Variants in WWP1 observed in about 807,000 individuals in gnomAD.
WWP1 encodes the protein WW domain containing E3 ubiquitin protein ligase 1.
WWP1 carries 49 observed loss-of-function variants against 130.6 expected under a neutral mutation model. That is an observed-to-expected ratio of 0.38 (90% CI 0.30 to 0.48). WWP1 has a LOEUF of 0.48. Among genes scored for constraint, WWP1 ranks in the 20% least tolerant of loss-of-function variants. The probability of loss-of-function intolerance (pLI) is 0.99; values close to 1 mark genes in which losing one functional copy is unlikely to be tolerated. For synonymous variants in WWP1, 332 were observed against 367.8 expected, an observed-to-expected ratio of 0.90 and a Z score of 1.11; for missense variants, 809 against 1,100.6, an observed-to-expected ratio of 0.74 and a Z score of 3.75.
chr8:86,366,057 GTAAAGTAT>G (rs1823947901), intron 1 of WWP1, among the ~76,000 whole-genome samples: 1 of 152,248 alleles, frequency 6.6e-6, no homozygotes, highest in Non-Finnish European at 1.5e-5. Flanking sequence ...CTTCGCAAAT[GTAAAGTAT>G]TAATGACATT....
chr8:86,418,120 TAGTC>T (rs923997047), intron 9 of WWP1, among the ~76,000 whole-genome samples: 38 of 152,264 alleles, frequency 2.5e-4, no homozygotes, highest in African/African-American at 7.9e-4. Flanking sequence ...AAAAAAAACT[TAGTC>T]ATATTTCCAC....
At position 86,431,428 on chromosome 8, in the gene WWP1, C is replaced by T; in HGVS notation, c.1410C>T (p.Asp470=). The T allele has an allele frequency of 6.2e-7, 1 of 1,603,300 alleles. No homozygotes were observed. The highest frequency in any genetic ancestry group is 8.5e-7 in the Non-Finnish European group (1 of 1,174,386). Residue 470 remains aspartate (D), a synonymous_variant, in exon 13 of 25, where the codon GAC becomes GAT. Coordinates refer to ENST00000517970, the MANE Select transcript of WWP1 (RefSeq NM_007013.4). The part of the protein sequence containing the change: ...PGWEKRVDST[D]RVYFVNHNTK... ...CAGAAAAAAGAGTGGATTCAACAGA[C>T]AGGGTTTACTTTGTGAATCATAACA... is the stretch of plus-strand genomic sequence containing the variant.
At chr8:86,350,455 A>G (rs1363305496) in intron 1 of WWP1, among the ~76,000 whole-genome samples, 1 of 152,194 alleles carries the variant, frequency 6.6e-6, no homozygotes, top group African/African-American at 2.4e-5. Flanking sequence ...CATGTACACT[A>G]AAAAACGGGC....
At chr8:86,365,879 A>G (rs1357256236) in intron 1 of WWP1, among the ~76,000 whole-genome samples, 2 of 152,206 alleles carry the variant, frequency 1.3e-5, no homozygotes, top group Non-Finnish European at 2.9e-5. Flanking sequence ...CACCAAGTTT[A>G]TTTGAAGGGA....
intron 1 of WWP1, among the ~76,000 whole-genome samples, chr8:86,365,642 G>A (rs1015947906): frequency 7.9e-5 from 12 of 152,264 alleles, no homozygotes; most frequent in Admixed American, 7.2e-4. Context: ...CAGTGATATA[G>A]GGAGAGGTCA....
intron 20 of WWP1, among the ~76,000 whole-genome samples, chr8:86,451,171 A>G (rs1358356163): frequency 1.4e-5 from 2 of 144,422 alleles, no homozygotes; most frequent in Non-Finnish European, 3.0e-5. Flanking sequence ...CAGGGAGGTC[A>G]AGGCTGCAGT....
chr8:86,442,555 T>G, intron 17 of WWP1, 64 bp from the exon 18 acceptor site: 1 of 1,419,866 alleles, frequency 7.0e-7, no homozygotes, highest in Non-Finnish European at 9.5e-7. Flanking sequence ...ATGAATATAT[T>G]TAAGATCTGT....
intron 18 of WWP1, among the ~76,000 whole-genome samples, chr8:86,446,878 A>T (rs942482254): frequency 1.3e-5 from 2 of 152,228 alleles, no homozygotes; most frequent in African/African-American, 4.8e-5. Flanking sequence ...ATCTATAATA[A>T]GATTATATGG....
At chr8:86,460,355 C>G (rs1586514830) in intron 22 of WWP1, among the ~76,000 whole-genome samples, 1 of 152,144 alleles carries the variant, frequency 6.6e-6, no homozygotes, top group Non-Finnish European at 1.5e-5. Context: ...TAGGGCTCAT[C>G]TAGACTTGAG....
intron 17 of WWP1, 199 bp from the exon 18 acceptor site, chr8:86,442,420 T>C: frequency 2.5e-6 from 1 of 401,304 alleles, no homozygotes; most frequent in Non-Finnish European, 4.4e-6. Context: ...AATTTGTAGT[T>C]TGGCCACATC....
chr8:86,454,138 C>G (rs1024594561), intron 21 of WWP1, among the ~76,000 whole-genome samples: 3 of 152,006 alleles, frequency 2.0e-5, no homozygotes, highest in South Asian at 2.1e-4. Flanking sequence ...CATGGACACT[C>G]AAGTCCTTAC....
rs567014984 is a variant in WWP1, at chr8:86,458,494, TTAAACTA to T, written c.2499+473_2499+479del. 3.3e-4 allele frequency among the ~76,000 whole-genome samples: 51 copies of T among 152,324 alleles called. 1 individual carries two copies. The South Asian group carries it at 0.01, about 31-fold the overall frequency. On this transcript the variant is annotated intron_variant, in intron 22 of 24. Coordinates refer to ENST00000517970, the MANE Select transcript of WWP1 (RefSeq NM_007013.4). Reference sequence around the variant, plus strand: ...TATTTTTTTAGCGTGTGTGTTTTGCTTAAACTATAATAGGATGGTCTCAGGAATCCAA... The same window carrying T: ...TATTTTTTTAGCGTGTGTGTTTTGCTTAATAGGATGGTCTCAGGAATCCAA...
chr8:86,360,313 C>G (rs1317586970), intron 1 of WWP1, among the ~76,000 whole-genome samples: 2 of 152,130 alleles, frequency 1.3e-5, no homozygotes, highest in Non-Finnish European at 2.9e-5. Context: ...TGCTAAGGGC[C>G]TCGTAACTTT....
intron 1 of WWP1, among the ~76,000 whole-genome samples, chr8:86,361,034 A>G (rs1393258742): frequency 6.6e-6 from 1 of 152,198 alleles, no homozygotes; most frequent in Non-Finnish European, 1.5e-5. Flanking sequence ...AACAGATCAC[A>G]TAGGCATTTA....
intron 13 of WWP1, 59 bp downstream of exon 13, chr8:86,431,549 A>C: frequency 6.2e-7 from 1 of 1,611,688 alleles, no homozygotes. Flanking sequence ...GAACCAACCA[A>C]CCTTGAATGA....
intron 14 of WWP1, among the ~76,000 whole-genome samples, chr8:86,432,671 G>A (rs1337042915): frequency 4.6e-5 from 7 of 151,244 alleles, no homozygotes; most frequent in Non-Finnish European, 1.0e-4. Context: ...GCAATGATGC[G>A]ATGTCAGCTC....
intron 5 of WWP1, among the ~76,000 whole-genome samples, chr8:86,389,760 C>T (rs1264011986): frequency 2.0e-5 from 3 of 149,794 alleles, no homozygotes; most frequent in African/African-American, 7.3e-5. Flanking sequence ...CACCCACCTC[C>T]CGGATGGGGC....
chr8:86,434,530 T>C (rs1810177745), intron 14 of WWP1, among the ~76,000 whole-genome samples: 1 of 152,230 alleles, frequency 6.6e-6, no homozygotes, highest in Non-Finnish European at 1.5e-5. Flanking sequence ...CTTTTGAAAA[T>C]CACAAAATGC....
chr8:86,460,415 T>TA (rs774296259), intron 22 of WWP1, among the ~76,000 whole-genome samples: 1 of 152,174 alleles, frequency 6.6e-6, no homozygotes, highest in Non-Finnish European at 1.5e-5. Context: ...ACAAATCATT[T>TA]AAACTCTCTA....
Sources: allele counts gnomAD v4.1 joint callset (sites outside exome capture counted in the v4.1 genomes callset), GRCh38; gene constraint gnomAD v4.1.1; transcripts MANE v1.5; gene names NCBI Gene and HGNC (gene_info 2026-07-23, HGNC 2026-07-21).